Variants in RAD54L2 observed in about 807,000 individuals in gnomAD.
RAD54L2 encodes RAD54 like 2.
Under a neutral mutation model 138.4 loss-of-function variants are expected in RAD54L2, and 27 were observed. That is an observed-to-expected ratio of 0.20 (90% confidence interval 0.14 to 0.27). The LOEUF is 0.27. Ranked by LOEUF, RAD54L2 falls within the 10% of genes least tolerant of loss-of-function variation. The pLI is 1.00. For missense variants in RAD54L2, 1,396 were observed against 1,890.2 expected, an observed-to-expected ratio of 0.74 and a Z score of 4.85; for synonymous variants, 644 against 723.2, an observed-to-expected ratio of 0.89 and a Z score of 1.76.
chr3:51,663,263 A>G lies in RAD54L2; in HGVS notation c.4247A>G (p.Tyr1416Cys), dbSNP rs1328227948. 1 of 1,613,540 alleles carries G rather than the reference A, an allele frequency of 6.2e-7. No homozygotes were observed. Among genetic ancestry groups the G allele is most frequent in the African/African-American group, 1.3e-5 (1 of 74,782 alleles). Residue 1416 changes from tyrosine (Y) to cysteine (C), a missense_variant, in exon 23 of 23, where the codon TAT becomes TGT. This residue lies in a region of RAD54L2 where 634 missense variants were observed against 711.2 expected (regional missense o/e 0.89). Transcript: ENST00000684192. Reference sequence around the variant, plus strand: ...AACCTTTCGCGGGGCATGTCTATCTATCCAGGCTACATGTCCCCACATGCA... The same window carrying G: ...AACCTTTCGCGGGGCATGTCTATCTGTCCAGGCTACATGTCCCCACATGCA... ...PSNLSRGMSIYPGYMSPHAGY... is the reference protein window; with the variant it reads ...PSNLSRGMSICPGYMSPHAGY...
In RAD54L2 at chr3:51,641,879, G is replaced by T. The variant is rs944584728; in HGVS notation, c.2350+12G>T. ...CATCAGCTACTTCCGTGAGTTCATTGTTGCGTTGTTCTTGAAGCCTTGGCA... is the reference window on the plus strand; with the variant it reads ...CATCAGCTACTTCCGTGAGTTCATTTTTGCGTTGTTCTTGAAGCCTTGGCA... On this transcript the variant is annotated intron_variant, in intron 15 of 22. Coordinates refer to ENST00000684192, the MANE Select transcript of RAD54L2 (RefSeq NM_015106.4). 1.3e-6 allele frequency: 2 copies of T among 1,547,960 alleles called. No individual in the cohort carries two copies. The highest frequency in any genetic ancestry group is 1.2e-5 in the South Asian group (1 of 84,458).
In RAD54L2 at chr3:51,600,426, A is replaced by G. The variant is rs565908078; in HGVS notation, c.139+9867A>G. Among the ~76,000 whole-genome samples the G allele has an allele frequency of 2.0e-5, 3 of 152,224 alleles. No individual in the cohort carries two copies. In the South Asian group the frequency reaches 6.2e-4, roughly 32 times the overall value. On this transcript the variant is annotated intron_variant, in intron 3 of 22. Transcript: ENST00000684192. ...GCCCAGGAGTTCAAGACTGGCCTGA[A>G]CAAAATAATGAGACTCCATCACTAC... is the stretch of plus-strand genomic sequence containing the variant.
intron 15 of RAD54L2, among the ~76,000 whole-genome samples, chr3:51,642,357 G>T (rs536464316): frequency 2.0e-5 from 3 of 151,302 alleles, no homozygotes; most frequent in African/African-American, 7.3e-5. Flanking sequence ...TGAGCAGGGG[G>T]TGGAAATCTT....
intron 3 of RAD54L2, among the ~76,000 whole-genome samples, chr3:51,600,468 A>G (rs2106733857): frequency 6.6e-6 from 1 of 152,232 alleles, no homozygotes. Context: ...TTTAAAAATT[A>G]TCCAGGCATG....
At chr3:51,595,385 T>C (rs1699938690) in intron 3 of RAD54L2, among the ~76,000 whole-genome samples, 3 of 152,192 alleles carry the variant, frequency 2.0e-5, no homozygotes, top group African/African-American at 7.2e-5. Context: ...TAGGACTTGG[T>C]GACTTACTGG....
chr3:51,650,898 A>G (rs957986607), intron 19 of RAD54L2, among the ~76,000 whole-genome samples: 1 of 152,196 alleles, frequency 6.6e-6, no homozygotes, highest in Non-Finnish European at 1.5e-5. Flanking sequence ...AGAGCAAACA[A>G]ATTCAAAAGC....
intron 2 of RAD54L2, among the ~76,000 whole-genome samples, chr3:51,557,709 A>G (rs967503154): frequency 6.6e-6 from 1 of 151,512 alleles, no homozygotes; most frequent in Non-Finnish European, 1.5e-5. Context: ...GGGCGCCTGT[A>G]ATGCTAGCTA....
intron 6 of RAD54L2, 75 bp from the exon 7 acceptor site, chr3:51,630,630 C>A: frequency 7.9e-7 from 1 of 1,269,506 alleles, no homozygotes; most frequent in South Asian, 1.3e-5. Context: ...TTTCTGTAGT[C>A]TTCTGCTCTG....
At chr3:51,621,332 G>A (rs1385330040) in intron 3 of RAD54L2, among the ~76,000 whole-genome samples, 1 of 152,210 alleles carries the variant, frequency 6.6e-6, no homozygotes, top group African/African-American at 2.4e-5. Context: ...GTTTAGACAT[G>A]TATCATCTGT....
chr3:51,545,931 CTTTTTTT>C (rs781819728), intron 2 of RAD54L2, among the ~76,000 whole-genome samples: 2 of 79,454 alleles, frequency 2.5e-5, no homozygotes, highest in African/African-American at 5.1e-5. Flanking sequence ...TACATCAATT[CTTTTTTT>C]TTTTTTTTTT....
intron 3 of RAD54L2, among the ~76,000 whole-genome samples, chr3:51,607,100 T>A (rs1700203015): frequency 6.7e-6 from 1 of 150,160 alleles, no homozygotes; most frequent in African/African-American, 2.4e-5. Context: ...TTTATTTTTT[T>A]ATTTTATTTT....
At chr3:51,608,526 G>C (rs1258975481) in intron 3 of RAD54L2, among the ~76,000 whole-genome samples, 1 of 152,176 alleles carries the variant, frequency 6.6e-6, no homozygotes, top group Admixed American at 6.5e-5. Flanking sequence ...CTGCACTCCA[G>C]CCTGGGCAAC....
At chr3:51,556,776 A>G (rs1577386115) in intron 2 of RAD54L2, among the ~76,000 whole-genome samples, 1 of 150,816 alleles carries the variant, frequency 6.6e-6, no homozygotes, top group South Asian at 2.1e-4. Flanking sequence ...GGGTTTCTCC[A>G]TTTTGGTCAG....
chr3:51,574,973 G>A (rs955413164), intron 2 of RAD54L2, among the ~76,000 whole-genome samples: 1 of 152,070 alleles, frequency 6.6e-6, no homozygotes, highest in Non-Finnish European at 1.5e-5. Flanking sequence ...GGTTTTTTTG[G>A]TTTTAGGTCT....
At chr3:51,591,021 A>C (rs989656904) in intron 3 of RAD54L2, among the ~76,000 whole-genome samples, 1 of 152,204 alleles carries the variant, frequency 6.6e-6, no homozygotes, top group Non-Finnish European at 1.5e-5. Flanking sequence ...ATTCTTAGAC[A>C]GATTCACAAC....
At chr3:51,562,166 G>T (rs1699113927) in intron 2 of RAD54L2, among the ~76,000 whole-genome samples, 1 of 152,022 alleles carries the variant, frequency 6.6e-6, no homozygotes, top group Non-Finnish European at 1.5e-5. Context: ...CTCCCAAGTA[G>T]CTGGGACTAC....
rs1698796777 is a variant in RAD54L2, at chr3:51,549,941, C to G, written c.-55+8291C>G. Among the ~76,000 whole-genome samples, 2 of 152,114 alleles carry G rather than the reference C, an allele frequency of 1.3e-5. 1 individual carries two copies. The highest frequency in any genetic ancestry group is 4.1e-4 in the South Asian group (2 of 4,826). On this transcript the variant is annotated intron_variant, in intron 2 of 22. Transcript: ENST00000684192. Reference sequence around the variant, plus strand: ...CCCTACTAGCTTGGCTCTGGTTGGTCATGGTCCACAATTCCAGTATTCCTT... The same window carrying G: ...CCCTACTAGCTTGGCTCTGGTTGGTGATGGTCCACAATTCCAGTATTCCTT...
intron 3 of RAD54L2, chr3:51,611,650 T>A (rs1040428476): frequency 2.6e-5 from 4 of 151,708 alleles, no homozygotes; most frequent in African/African-American, 4.8e-5. Context: ...AACCTCAGCC[T>A]CCGGGTTTAA....
At chr3:51,590,662 C>T in intron 3 of RAD54L2, 103 bp downstream of exon 3, 1 of 1,470,640 alleles carries the variant, frequency 6.8e-7, no homozygotes, top group Non-Finnish European at 9.3e-7. Context: ...TTAGGCCATC[C>T]ATAGTGGGAA....
Sources: gnomAD v4.1 joint callset for allele counts (sites outside exome capture counted in the v4.1 genomes callset) on GRCh38, gnomAD v4.1.1 for gene constraint, gnomAD v4.1.1 regional missense constraint, MANE v1.5 for transcripts, NCBI Gene and HGNC (gene_info 2026-07-23, HGNC 2026-07-21) for gene names.